The following ATE1 variants were observed in gnomAD, a reference collection of about 807,000 sequenced individuals.
The protein encoded by ATE1 is arginyltransferase 1, also known as arginyl-tRNA--protein transferase 1.
In ATE1, 36 loss-of-function variants were observed where a neutral mutation model predicts 70.5. The observed-to-expected ratio is 0.51, with a 90% CI of 0.39 to 0.67. ATE1 has a LOEUF of 0.67. Ranked by LOEUF, ATE1 falls within the 30% of genes least tolerant of loss-of-function variation. The pLI, the probability that ATE1 is intolerant of heterozygous loss-of-function variation, is 0.00. For synonymous variants in ATE1, 232 were observed against 219.3 expected (o/e 1.06, Z -0.51); for missense variants, 593 against 629.5 (o/e 0.94, Z 0.62).
At chr10:121,793,322 TG>T (rs997894655) in intron 10 of ATE1, among the ~76,000 whole-genome samples, 3 of 152,208 alleles carry the variant, frequency 2.0e-5, no homozygotes, top group African/African-American at 7.2e-5. Flanking sequence ...TGGTTTAAAA[TG>T]GTGAAACACT....
intron 11 of ATE1, among the ~76,000 whole-genome samples, chr10:121,775,318 A>C (rs905943881): frequency 6.6e-6 from 1 of 152,012 alleles, no homozygotes; most frequent in Non-Finnish European, 1.5e-5. Context: ...CCTGTCAGAG[A>C]GTGGGGGGCA....
At chr10:121,861,279 C>T (rs909994297) in intron 8 of ATE1, among the ~76,000 whole-genome samples, 1 of 152,072 alleles carries the variant, frequency 6.6e-6, no homozygotes, top group African/African-American at 2.4e-5. Flanking sequence ...AAACTCCTGG[C>T]ATTTTTTATT....
intron 10 of ATE1, among the ~76,000 whole-genome samples, chr10:121,796,966 C>T (rs1442536855): frequency 6.6e-6 from 1 of 152,162 alleles, no homozygotes; most frequent in Non-Finnish European, 1.5e-5. Flanking sequence ...TGGAAAATAT[C>T]TTAGTTTAAC....
chr10:121,894,590 A>G (rs767375686), intron 7 of ATE1, among the ~76,000 whole-genome samples: 59 of 152,156 alleles, frequency 3.9e-4, no homozygotes, highest in Non-Finnish European at 1.6e-4. Flanking sequence ...AGTAACAAAG[A>G]CAATCCAATT....
chr10:121,791,072 G>A (rs1205954683), intron 10 of ATE1, among the ~76,000 whole-genome samples: 2 of 52,516 alleles, frequency 3.8e-5, no homozygotes, highest in African/African-American at 1.2e-4. Context: ...GTGTGTGTGT[G>A]TGTGTGTGTG....
At chr10:121,831,705 T>TA (rs1365550110) in intron 10 of ATE1, among the ~76,000 whole-genome samples, 3 of 152,132 alleles carry the variant, frequency 2.0e-5, no homozygotes, top group Admixed American at 6.5e-5. Context: ...ATAAATTTTC[T>TA]AAAAAAATGG....
chr10:121,743,733 C>T lies in ATE1; in HGVS notation c.1504G>A (p.Ala502Thr), dbSNP rs752601356. ...GAGCACTTCTGCCCCACCAGGCTGG[C>T]GTACTGCAGAACAGCAGCCTCCTCA... Reference protein sequence around the residue: ...PSEEAAVLQYASLVGQKCSER... With the variant: ...PSEEAAVLQYTSLVGQKCSER... The change falls in exon 12 of 12, where the codon GCC (alanine) becomes ACC (threonine). Residue 502 changes from alanine to threonine, a missense_variant. Coordinates refer to ENST00000224652, the MANE Select transcript of ATE1 (RefSeq NM_001001976.3). The T allele has an allele frequency of 6.0e-5, 97 of 1,613,740 alleles. No homozygotes were observed. Among genetic ancestry groups the T allele is most frequent in the Non-Finnish European group, 1.9e-5 (22 of 1,179,974 alleles).
chr10:121,794,938 C>T (rs1295256198), intron 10 of ATE1, among the ~76,000 whole-genome samples: 1 of 152,142 alleles, frequency 6.6e-6, no homozygotes, highest in African/African-American at 2.4e-5. Flanking sequence ...GATTTAACAA[C>T]GATGCTGACC....
intron 11 of ATE1, among the ~76,000 whole-genome samples, chr10:121,766,754 C>T (rs141780735): frequency 6.6e-6 from 1 of 152,130 alleles, no homozygotes; most frequent in East Asian, 1.9e-4. Flanking sequence ...ATGAAATGGA[C>T]AAGTGCCCTA....
At chr10:121,847,264 T>C (rs940232555) in intron 8 of ATE1, among the ~76,000 whole-genome samples, 15 of 150,944 alleles carry the variant, frequency 9.9e-5, no homozygotes, top group African/African-American at 2.0e-4. Context: ...CTGGCCAACA[T>C]AGTGAAACCC....
intron 10 of ATE1, among the ~76,000 whole-genome samples, chr10:121,811,251 C>A (rs1226372667): frequency 1.3e-5 from 2 of 151,948 alleles, no homozygotes. Flanking sequence ...TATAAACATA[C>A]ATTCACATAT....
intron 11 of ATE1, among the ~76,000 whole-genome samples, chr10:121,746,093 C>G (rs1431828999): frequency 1.3e-5 from 2 of 152,218 alleles, no homozygotes; most frequent in African/African-American, 2.4e-5. Flanking sequence ...GAGTACCTGA[C>G]AGCTCACCCT....
intron 11 of ATE1, among the ~76,000 whole-genome samples, chr10:121,752,535 C>G (rs559057959): frequency 6.6e-6 from 1 of 152,072 alleles, no homozygotes; most frequent in South Asian, 2.1e-4. Context: ...GGCATTTCTA[C>G]GAATTTTATA....
At chr10:121,851,030 G>C (rs1437264917) in intron 8 of ATE1, among the ~76,000 whole-genome samples, 1 of 136,776 alleles carries the variant, frequency 7.3e-6, no homozygotes, top group Non-Finnish European at 1.5e-5. Context: ...CGTGGAGCTT[G>C]CAGTGAGCCA....
chr10:121,835,186 C>T (rs1190950663), intron 10 of ATE1, among the ~76,000 whole-genome samples: 1 of 151,938 alleles, frequency 6.6e-6, no homozygotes, highest in African/African-American at 2.4e-5. Flanking sequence ...TGAAGATAAC[C>T]AAATTCAGGG....
chr10:121,856,517 C>A (rs1949256491), intron 8 of ATE1, among the ~76,000 whole-genome samples: 1 of 152,060 alleles, frequency 6.6e-6, no homozygotes, highest in South Asian at 2.1e-4. Context: ...GTGAAAGAGC[C>A]AGAATCTGTC....
intron 11 of ATE1, among the ~76,000 whole-genome samples, chr10:121,752,141 G>A: frequency 6.7e-6 from 1 of 149,354 alleles, no homozygotes. Flanking sequence ...AGCTTGCAGT[G>A]AGCCGAGGTT....
Position 121,847,486 on chromosome 10 carries a change from C to G in ATE1, c.976-6223G>C, listed in dbSNP as rs138350703. 1.0e-2 allele frequency among the ~76,000 whole-genome samples: 1,496 copies of G among 150,168 alleles called. 9 individuals carry two copies. Among genetic ancestry groups the G allele is most frequent in the Non-Finnish European group, 0.013 (851 of 67,778 alleles). On this transcript the variant is annotated intron_variant, in intron 8 of 11. Coordinates refer to ENST00000224652, the MANE Select transcript of ATE1 (RefSeq NM_001001976.3). The stretch of plus-strand genomic sequence containing the variant: ...ATAATAATAATAGTGAAAGGCCAGG[C>G]GCGGTAGCTCATGCCTGTAATTGCA...
chr10:121,802,199 T>C (rs2133382297), intron 10 of ATE1, among the ~76,000 whole-genome samples: 1 of 152,262 alleles, frequency 6.6e-6, no homozygotes, highest in South Asian at 2.1e-4. Context: ...TCTGAGTCCA[T>C]GGCACAAGAT....
Sources: gnomAD v4.1 joint callset for allele counts (sites outside exome capture counted in the v4.1 genomes callset) on GRCh38, gnomAD v4.1.1 for gene constraint, MANE v1.5 for transcripts, NCBI Gene and HGNC (gene_info 2026-07-23, HGNC 2026-07-21) for gene names.